TMEM181: variants seen among roughly 807,000 people sequenced by gnomAD.
TMEM181 encodes the protein G protein-coupled receptor 178.
TMEM181 carries 39 observed loss-of-function variants against 71.9 expected under a neutral mutation model. The ratio of observed to expected loss-of-function variants is 0.54; its 90% CI spans 0.42 to 0.71. The LOEUF (loss-of-function observed/expected upper bound fraction) is 0.71, where lower values mean the gene tolerates loss of function less well. Ranked by LOEUF, TMEM181 falls within the 30% of genes least tolerant of loss-of-function variation. TMEM181 has a pLI of 0.00. For synonymous variants in TMEM181, 245 were observed against 228.8 expected (o/e 1.07, Z -0.64); for missense variants, 595 against 583.0 (o/e 1.02, Z -0.21).
intron 5 of TMEM181, among the ~76,000 whole-genome samples, chr6:158,588,187 CG>C: frequency 6.6e-6 from 1 of 152,336 alleles, no homozygotes; most frequent in South Asian, 2.1e-4. Context: ...GGGAGGTGGG[CG>C]GGTGGCCAGC....
chr6:158,617,427 T>C (rs1364450880), intron 10 of TMEM181, among the ~76,000 whole-genome samples: 1 of 151,748 alleles, frequency 6.6e-6, no homozygotes, highest in African/African-American at 2.4e-5. Context: ...AAAAACCAGC[T>C]CCTGGATTCA....
At chr6:158,547,887 CAAAAAA>C (rs34148643) in intron 1 of TMEM181, among the ~76,000 whole-genome samples, 1 of 57,040 alleles carries the variant, frequency 1.8e-5, no homozygotes, top group East Asian at 5.1e-4. Context: ...AACTCTGTCT[CAAAAAA>C]AAAAAAAAAA....
chr6:158,559,132 T>C (rs760456839), upstream of TMEM181, among the ~76,000 whole-genome samples: 15 of 151,842 alleles, frequency 9.9e-5, no homozygotes, highest in Non-Finnish European at 2.1e-4. Context: ...CTTCCTAATA[T>C]CCACCTCACC....
chr6:158,578,196 G>C (rs1783270029), intron 2 of TMEM181, among the ~76,000 whole-genome samples: 1 of 152,322 alleles, frequency 6.6e-6, no homozygotes, highest in Non-Finnish European at 1.5e-5. Flanking sequence ...AAAATTTGAG[G>C]AAGTTATTAC....
At position 158,625,684 on chromosome 6, in the gene TMEM181, G is replaced by A; in HGVS notation, c.1058-19G>A. On this transcript the variant is annotated intron_variant, in intron 12 of 16. Transcript: ENST00000684151. ...GGAATTTACTTCCAGAGTTGTTAAT[G>A]AGTTTCTTTCTTTTTCAGATCTCAG... 1 of 1,594,754 alleles carries A rather than the reference G, an allele frequency of 6.3e-7. No individual in the cohort carries two copies. Among genetic ancestry groups the A allele is most frequent in the Non-Finnish European group, 8.5e-7 (1 of 1,172,844 alleles).
At chr6:158,536,687 G>C (rs1032087062) in exon 1 of TMEM181, 2 of 1,538,762 alleles carry the variant, frequency 1.3e-6, no homozygotes, top group African/African-American at 2.8e-5. Flanking sequence ...CGCAGGCGGC[G>C]ACACAAAGGG....
chr6:158,578,858 C>G (rs1359493158), intron 2 of TMEM181, among the ~76,000 whole-genome samples: 2 of 152,184 alleles, frequency 1.3e-5, no homozygotes, highest in Non-Finnish European at 2.9e-5. Flanking sequence ...ACTCTAGATC[C>G]AAAGACACAA....
rs201786380 is a variant in TMEM181, at chr6:158,589,725, T to C, written c.435T>C (p.Tyr145=). The C allele has an allele frequency of 4.3e-6, 7 of 1,614,200 alleles. No individual in the cohort carries two copies. In the South Asian group the frequency reaches 4.4e-5, roughly 10 times the overall value. ...AHLGYLNYTQ[Y]TVIVGFEHLK... ...TTGGCTACCTGAACTACACTCAGTA[T>C]ACAGTGATAGTGGGATTTGAACACC... Residue 145 remains tyrosine (Y), a synonymous_variant, in exon 6 of 17, where the codon TAT becomes TAC. Transcript: ENST00000684151.
chr6:158,615,077 C>T (rs558592472), intron 10 of TMEM181, among the ~76,000 whole-genome samples: 27 of 152,246 alleles, frequency 1.8e-4, no homozygotes, highest in African/African-American at 5.3e-4. Context: ...TCTTCCACAA[C>T]GGTTGAACTA....
At chr6:158,622,488 G>A (rs1272112623) in intron 10 of TMEM181, among the ~76,000 whole-genome samples, 4 of 152,184 alleles carry the variant, frequency 2.6e-5, no homozygotes, top group East Asian at 1.9e-4. Context: ...GGCGAGCCAC[G>A]TTTGCAGCCG....
At position 158,585,354 on chromosome 6, in the gene TMEM181, G is replaced by A. The variant is rs369652765; in HGVS notation, c.310G>A (p.Ala104Thr). The A allele has an allele frequency of 1.2e-6, 2 of 1,611,818 alleles. No homozygotes were observed. The highest frequency in any genetic ancestry group is 1.7e-5 in the Admixed American group (1 of 59,158). The change falls in exon 5 of 17, where the codon GCT (alanine) becomes ACT (threonine). Residue 104 changes from alanine (A) to threonine (T), a missense_variant. By Grantham distance (58) the Ala-to-Thr change is moderately conservative (BLOSUM62 0). Transcript: ENST00000684151. Reference sequence around the variant, plus strand: ...CATGACTGTTAAAGTCGATGGTGTAGCTCAAGATGGAACCACGATGTACAT... The same window carrying A: ...CATGACTGTTAAAGTCGATGGTGTAACTCAAGATGGAACCACGATGTACAT... ...FPMTVKVDGV[A>T]QDGTTMYIHN...
chr6:158,546,263 A>G (rs748659738), intron 1 of TMEM181, among the ~76,000 whole-genome samples: 34 of 152,180 alleles, frequency 2.2e-4, no homozygotes, highest in Non-Finnish European at 4.4e-4. Flanking sequence ...CCCTCCCCTC[A>G]GGCTGCAGTA....
rs1786742470 is a variant in TMEM181, at chr6:158,632,962, A to C, written c.*1074A>C. ...GGCATGCCCATAGTCCCAGCTACTCAGGAGGCTGAGGTGGGAGGATTGCTT... is the reference window on the plus strand; with the variant it reads ...GGCATGCCCATAGTCCCAGCTACTCCGGAGGCTGAGGTGGGAGGATTGCTT... On this transcript the variant is annotated 3_prime_UTR_variant, in exon 17 of 17. Transcript: ENST00000684151. 2 of 152,266 alleles carry C rather than the reference A, an allele frequency of 1.3e-5. No homozygotes were observed. The highest frequency in any genetic ancestry group is 2.9e-5 in the Non-Finnish European group (2 of 68,124). The allele number at this position is 152,266 out of a possible 1,614,324, so 9.4% of individuals were successfully genotyped here. A position where few individuals can be genotyped will look rare whatever the true frequency, so the allele number is the denominator to read the frequency against.
chr6:158,635,206 T>TAC lies in TMEM181; in HGVS notation c.*3318_*3319insAC, dbSNP rs1234878934. ...AAAAACTGCCTTTTTACAAAATGAC[T>TAC]GTAAATATTTGTAAAATAAAATAAC... On this transcript the variant is annotated 3_prime_UTR_variant, in exon 17 of 17. Coordinates refer to ENST00000684151, the MANE Select transcript of TMEM181 (RefSeq NM_001376852.1). 6.6e-6 allele frequency: 1 copy of TAC among 152,226 alleles called. No individual in the cohort carries two copies. The highest frequency in any genetic ancestry group is 2.1e-4 in the South Asian group (1 of 4,836). 9.4% of individuals were successfully genotyped at this position (152,226 alleles called of 1,614,324 possible).
intron 1 of TMEM181, among the ~76,000 whole-genome samples, chr6:158,567,060 C>T (rs1278645837): frequency 1.3e-5 from 2 of 152,186 alleles, no homozygotes; most frequent in Admixed American, 1.3e-4. Context: ...CTTCAGGGGA[C>T]AGTTTATTTC....
intron 1 of TMEM181, among the ~76,000 whole-genome samples, chr6:158,564,649 A>C (rs1052327728): frequency 2.6e-5 from 4 of 152,016 alleles, no homozygotes; most frequent in African/African-American, 9.7e-5. Context: ...TTATGATTCC[A>C]CCCGCACCTG....
At chr6:158,604,102 C>A (rs1177249423) in intron 6 of TMEM181, among the ~76,000 whole-genome samples, 1 of 152,206 alleles carries the variant, frequency 6.6e-6, no homozygotes, top group African/African-American at 2.4e-5. Context: ...CAGGCACTGG[C>A]TTTTTGGGAG....
intron 1 of TMEM181, among the ~76,000 whole-genome samples, chr6:158,562,846 T>G (rs1782265259): frequency 6.6e-6 from 1 of 152,230 alleles, no homozygotes; most frequent in Non-Finnish European, 1.5e-5. Context: ...ATCCATTGTT[T>G]CGTGGAATCC....
intron 1 of TMEM181, among the ~76,000 whole-genome samples, chr6:158,541,633 A>G (rs1464448254): frequency 2.6e-5 from 4 of 152,084 alleles, no homozygotes; most frequent in East Asian, 3.9e-4. Context: ...ATGCTGGCCA[A>G]CCGTCCTTTC....
Sources: allele counts gnomAD v4.1 joint callset (sites outside exome capture counted in the v4.1 genomes callset), GRCh38; gene constraint gnomAD v4.1.1; transcripts MANE v1.5; gene names NCBI Gene and HGNC (gene_info 2026-07-23, HGNC 2026-07-21).